Variants in THSD7A observed in about 807,000 individuals in gnomAD.
THSD7A encodes the protein thrombospondin type 1 domain containing 7A, also known as thrombospondin type-1 domain-containing protein 7A.
A neutral mutation model predicts 231.3 loss-of-function variants in THSD7A; 96 were observed. The ratio of observed to expected loss-of-function variants is 0.41; its 90% confidence interval spans 0.35 to 0.49. The LOEUF (loss-of-function observed/expected upper bound fraction) is 0.49, where lower values mean the gene tolerates loss of function less well. THSD7A is among the 20% of genes least tolerant of loss of function. THSD7A has a pLI of 0.05. For missense variants in THSD7A, 2,290 were observed against 2,070.2 expected (o/e 1.11, Z -2.06); for synonymous variants, 940 against 743.3 (o/e 1.26, Z -4.30).
rs111948473 is a variant in THSD7A, at chr7:11,634,446, C to T, written c.1022+1684G>A. Among the ~76,000 whole-genome samples the T allele has an allele frequency of 9.2e-5, 14 of 152,202 alleles. No individual in the cohort carries two copies. In the South Asian group the frequency reaches 2.7e-3, roughly 29 times the overall value. On this transcript the variant is annotated intron_variant, in intron 2 of 27. Coordinates refer to ENST00000423059, the MANE Select transcript of THSD7A (RefSeq NM_015204.3). This position sits in a 1 kb window ranked among gnomAD's most constrained non-coding sequence, Gnocchi z 4.1. ...AACAACTCAACTTGTCTTGGAGACT[C>T]ATTCAATTATTTGATGTCAGCCAAG...
At chr7:11,673,213 G>C (rs913190727) in intron 1 of THSD7A, among the ~76,000 whole-genome samples, 1 of 152,080 alleles carries the variant, frequency 6.6e-6, no homozygotes, top group African/African-American at 2.4e-5. Flanking sequence ...GAAGAGGTGA[G>C]TAAAAGAACT....
chr7:11,597,671 T>C (rs1780412998), intron 2 of THSD7A, among the ~76,000 whole-genome samples: 1 of 152,156 alleles, frequency 6.6e-6, no homozygotes, highest in African/African-American at 2.4e-5. Context: ...TTGGTGGAAA[T>C]TGAACGTTTG....
intron 1 of THSD7A, among the ~76,000 whole-genome samples, chr7:11,793,261 A>G (rs1236602498): frequency 6.6e-6 from 1 of 151,924 alleles, no homozygotes; most frequent in African/African-American, 2.4e-5. Flanking sequence ...AAACAAAACA[A>G]CAAAACATAA....
rs1293159169 is a variant in THSD7A at position 11,636,695 on chromosome 7, T to C, written c.457A>G (p.Ile153Val). 1 of 1,614,030 alleles carries C rather than the reference T, an allele frequency of 6.2e-7. No homozygotes were observed. The highest frequency in any genetic ancestry group is 1.3e-5 in the African/African-American group (1 of 75,046). Residue 153 changes from isoleucine (I) to valine (V), a missense_variant, in exon 2 of 28, where the codon ATT (isoleucine) becomes GTT (valine). Ile to Val is a conservative substitution (Grantham distance 29). Coordinates refer to ENST00000423059, the MANE Select transcript of THSD7A (RefSeq NM_015204.3). This position sits in a 1 kb window ranked among gnomAD's most constrained non-coding sequence, Gnocchi z 10.0. The stretch of plus-strand genomic sequence containing the variant: ...ATGCACGCTATCTCCCTCACCTGAA[T>C]ACCTTCTTCCCCCTTAATGCACTCA... The part of the protein sequence containing the change: ...PLECIKGEEG[I>V]QVREIACIQK...
intron 7 of THSD7A, among the ~76,000 whole-genome samples, chr7:11,478,539 T>A (rs142024387): frequency 1.1e-4 from 16 of 151,828 alleles, no homozygotes; most frequent in African/African-American, 3.6e-4. Context: ...GCTTTTTGGA[T>A]AGAATTGTTC....
At chr7:11,575,381 A>G (rs1463304769) in intron 4 of THSD7A, among the ~76,000 whole-genome samples, 2 of 152,192 alleles carry the variant, frequency 1.3e-5, no homozygotes, top group African/African-American at 2.4e-5. Flanking sequence ...TTCCTTTATC[A>G]GTGCCTAGAT....
intron 6 of THSD7A, among the ~76,000 whole-genome samples, chr7:11,495,082 G>A (rs1721766900): frequency 1.3e-5 from 2 of 151,906 alleles, no homozygotes; most frequent in Admixed American, 1.3e-4. Flanking sequence ...GCTTTTATGG[G>A]CAACTTGACC....
At chr7:11,608,272 A>G (rs1164602329) in intron 2 of THSD7A, among the ~76,000 whole-genome samples, 2 of 152,196 alleles carry the variant, frequency 1.3e-5, no homozygotes, top group East Asian at 1.9e-4. Context: ...GCCTGTTAAG[A>G]GGCCTGTTTT....
chr7:11,540,082 GT>G (rs1789079334), intron 6 of THSD7A, among the ~76,000 whole-genome samples: 1 of 151,804 alleles, frequency 6.6e-6, no homozygotes, highest in Non-Finnish European at 1.5e-5. Flanking sequence ...ATCTCTGAGT[GT>G]TACTTCCTCC....
At chr7:11,758,120 T>C (rs1048310228) in intron 1 of THSD7A, among the ~76,000 whole-genome samples, 1 of 150,910 alleles carries the variant, frequency 6.6e-6, no homozygotes, top group African/African-American at 2.4e-5. Flanking sequence ...CTAATAGTGA[T>C]TGAGTAAAAA....
At chr7:11,472,753 A>T (rs547988432) in intron 8 of THSD7A, among the ~76,000 whole-genome samples, 2 of 152,300 alleles carry the variant, frequency 1.3e-5, no homozygotes, top group East Asian at 3.9e-4. Context: ...TAGCTTATGT[A>T]AGTGAGGAAA....
chr7:11,830,495 T>G (rs1392238143), intron 1 of THSD7A, among the ~76,000 whole-genome samples: 1 of 152,262 alleles, frequency 6.6e-6, no homozygotes, highest in East Asian at 1.9e-4. Flanking sequence ...TAATTTTATT[T>G]CATTTGAATT....
At chr7:11,631,812 G>A (rs558594082) in intron 2 of THSD7A, among the ~76,000 whole-genome samples, 1 of 152,296 alleles carries the variant, frequency 6.6e-6, no homozygotes, top group South Asian at 2.1e-4. Flanking sequence ...TTTTAGATAA[G>A]CAACACCATT....
chr7:11,457,301 A>T (rs998376414), intron 11 of THSD7A, among the ~76,000 whole-genome samples: 7 of 152,016 alleles, frequency 4.6e-5, no homozygotes, highest in African/African-American at 1.7e-4. Flanking sequence ...TACTTTCCAA[A>T]ATTAGCTCTA....
chr7:11,750,187 G>A (rs1782452223), intron 1 of THSD7A, among the ~76,000 whole-genome samples: 1 of 151,766 alleles, frequency 6.6e-6, no homozygotes, highest in East Asian at 2.0e-4. Flanking sequence ...AGACAAGCAT[G>A]TAGCATACCA....
intron 1 of THSD7A, among the ~76,000 whole-genome samples, chr7:11,645,078 A>G (rs1782229335): frequency 6.6e-6 from 1 of 151,968 alleles, no homozygotes; most frequent in Non-Finnish European, 1.5e-5. Flanking sequence ...GTAGAAATCT[A>G]CATTCTATCA....
At chr7:11,570,306 C>T (rs1790568703) in intron 4 of THSD7A, among the ~76,000 whole-genome samples, 1 of 152,106 alleles carries the variant, frequency 6.6e-6, no homozygotes, top group African/African-American at 2.4e-5. Flanking sequence ...GAGTTGATCT[C>T]ATGGAGGTAG....
At chr7:11,417,052 T>C (rs1783985866) in intron 17 of THSD7A, among the ~76,000 whole-genome samples, 1 of 152,306 alleles carries the variant, frequency 6.6e-6, no homozygotes, top group East Asian at 1.9e-4. Context: ...TAAAAGGTAC[T>C]GGGCAAAAAG....
intron 1 of THSD7A, among the ~76,000 whole-genome samples, chr7:11,638,777 A>C (rs1037010913): frequency 1.3e-5 from 2 of 152,252 alleles, no homozygotes; most frequent in African/African-American, 4.8e-5. Context: ...TATGGGAGAA[A>C]GCCAGTGGGT....
Sources: allele counts gnomAD v4.1 joint callset (sites outside exome capture counted in the v4.1 genomes callset), GRCh38; gene constraint gnomAD v4.1.1; non-coding constraint Gnocchi (gnomAD v3.1); transcripts MANE v1.5; gene names NCBI Gene and HGNC (gene_info 2026-07-23, HGNC 2026-07-21).